Variants in GAB1 observed in about 807,000 individuals in gnomAD.
GAB1 encodes the protein GRB2 associated binding protein 1, also known as GRB2-associated-binding protein 1.
In GAB1, 19 loss-of-function variants were observed where a neutral mutation model predicts 66.5. The ratio of observed to expected loss-of-function variants is 0.29; its 90% CI spans 0.20 to 0.42. The LOEUF is 0.42. Ranked by LOEUF, GAB1 falls within the 10% of genes least tolerant of loss-of-function variation. The pLI, the probability that GAB1 is intolerant of heterozygous loss-of-function variation, is 1.00. For missense variants in GAB1, 732 were observed against 858.5 expected (o/e 0.85, Z 1.84); for synonymous variants, 294 against 301.4 (o/e 0.98, Z 0.25).
chr4:143,398,918 TA>T (rs1731600441), intron 1 of GAB1, among the ~76,000 whole-genome samples: 1 of 151,928 alleles, frequency 6.6e-6, no homozygotes, highest in Non-Finnish European at 1.5e-5. Context: ...AGTAAGTAAG[TA>T]AAATGGGCAG....
chr4:143,338,959 T>C (rs1272516318), intron 1 of GAB1, among the ~76,000 whole-genome samples: 1 of 151,904 alleles, frequency 6.6e-6, no homozygotes, highest in East Asian at 1.9e-4. Flanking sequence ...CAAAATACAG[T>C]AGGAAAAAGG....
intron 2 of GAB1, chr4:143,417,518 G>A (rs527458771): frequency 9.7e-5 from 32 of 328,466 alleles, no homozygotes; most frequent in African/African-American, 1.8e-4. Context: ...AGCGATTCTC[G>A]TGCCTCAGCC....
At chr4:143,418,597 A>G (rs1732829919) in intron 2 of GAB1, among the ~76,000 whole-genome samples, 1 of 152,186 alleles carries the variant, frequency 6.6e-6, no homozygotes, top group African/African-American at 2.4e-5. Context: ...TTGGGGGGAC[A>G]TAAGGGCAGA....
In GAB1 at chr4:143,438,248, T is replaced by A. The variant is rs751833891; in HGVS notation, c.843T>A (p.Asp281Glu). The change falls in exon 4 of 10, where the codon GAT (aspartate) becomes GAA (glutamate). Residue 281 changes from aspartate to glutamate, a missense_variant. Around this residue, in one of 4 missense-constraint regions of GAB1, gnomAD observed 427 missense variants for 420.6 expected, o/e 1.02. Transcript: ENST00000262994. ...PKVSPSSTEA[D>E]GELYVFNTPS... ...TGTCTCCATCAAGTACTGAAGCAGA[T>A]GGAGAACTCTATGTTTTTAATACCC... The A allele has an allele frequency of 1.9e-6, 3 of 1,614,154 alleles. No homozygotes were observed. The Admixed American group carries it at 5.0e-5, about 27-fold the overall frequency.
chr4:143,415,669 A>C lies in GAB1; in HGVS notation c.265A>C (p.Thr89Pro), dbSNP rs1183259902. The change falls in exon 2 of 10, where the codon ACT (threonine) becomes CCT (proline). Residue 89 changes from threonine to proline, a missense_variant. Thr to Pro is a conservative substitution (Grantham distance 38, BLOSUM62 -1). This residue lies in a region of GAB1 where 66 missense variants were observed against 130.3 expected (regional missense o/e 0.51). Coordinates refer to ENST00000262994, the MANE Select transcript of GAB1 (RefSeq NM_002039.4). ...AAACAGCTACATTTTTGATATCAAC[A>C]CTATTGACCGGATTTTCTACTTGGT... is the stretch of plus-strand genomic sequence containing the variant. ...FENSYIFDINTIDRIFYLVAD... is the reference protein window; with the variant it reads ...FENSYIFDINPIDRIFYLVAD... The C allele has an allele frequency of 6.2e-7, 1 of 1,613,920 alleles. No homozygotes were observed.
intron 1 of GAB1, among the ~76,000 whole-genome samples, chr4:143,372,759 T>C (rs1396186860): frequency 6.6e-6 from 1 of 152,198 alleles, no homozygotes; most frequent in Non-Finnish European, 1.5e-5. Flanking sequence ...ATCCCCATGA[T>C]AGCCTTGTAA....
At chr4:143,448,953 T>A (rs1342977879) in intron 6 of GAB1, among the ~76,000 whole-genome samples, 3 of 152,294 alleles carry the variant, frequency 2.0e-5, no homozygotes, top group East Asian at 1.9e-4. Flanking sequence ...CTCTACACAC[T>A]GCTTTGAATG....
At chr4:143,413,269 G>C (rs766938839) in intron 1 of GAB1, among the ~76,000 whole-genome samples, 14 of 152,080 alleles carry the variant, frequency 9.2e-5, no homozygotes, top group Non-Finnish European at 2.1e-4. Flanking sequence ...TATCCATAGA[G>C]GGATAATTTT....
At chr4:143,370,956 C>T (rs1359008699) in intron 1 of GAB1, among the ~76,000 whole-genome samples, 1 of 152,170 alleles carries the variant, frequency 6.6e-6, no homozygotes, top group African/African-American at 2.4e-5. Context: ...CATTGATGGA[C>T]ATTTGGGTTG....
At chr4:143,448,828 C>A (rs1174926048) in intron 6 of GAB1, among the ~76,000 whole-genome samples, 2 of 149,560 alleles carry the variant, frequency 1.3e-5, no homozygotes, top group Non-Finnish European at 1.5e-5. Flanking sequence ...TTGCCTTCTG[C>A]TAGCTTTTGA....
chr4:143,447,892 T>G (rs1208441606), intron 6 of GAB1, among the ~76,000 whole-genome samples: 2 of 152,212 alleles, frequency 1.3e-5, no homozygotes, highest in Non-Finnish European at 2.9e-5. Flanking sequence ...GCTTCCAATT[T>G]TTGCCCATTC....
At chr4:143,400,968 C>CAAA (rs774015122) in intron 1 of GAB1, among the ~76,000 whole-genome samples, 1 of 91,254 alleles carries the variant, frequency 1.1e-5, no homozygotes, top group African/African-American at 4.2e-5. Flanking sequence ...GACTCCATCA[C>CAAA]AAAAAAAAAA....
intron 1 of GAB1, among the ~76,000 whole-genome samples, chr4:143,382,987 C>T (rs1390908121): frequency 2.6e-5 from 4 of 152,146 alleles, no homozygotes; most frequent in Non-Finnish European, 5.9e-5. Flanking sequence ...TTGTGACATG[C>T]ATGCACTTCT....
chr4:143,430,259 AAC>A (rs1425188067), intron 2 of GAB1, among the ~76,000 whole-genome samples: 71 of 152,238 alleles, frequency 4.7e-4, no homozygotes, highest in Non-Finnish European at 2.9e-5. Context: ...TACAGTCAGA[AAC>A]ACAATTGAAA....
Position 143,458,096 on chromosome 4 carries a change from ATATGTGTTCTGTTC to A in GAB1, c.1586-1287_1586-1274del, listed in dbSNP as rs1560785195. Among the ~76,000 whole-genome samples the A allele has an allele frequency of 3.3e-5, 5 of 152,184 alleles. No homozygotes were observed. The East Asian group carries it at 9.6e-4, about 29-fold the overall frequency. On this transcript the variant is annotated intron_variant, in intron 6 of 9. Coordinates refer to ENST00000262994, the MANE Select transcript of GAB1 (RefSeq NM_002039.4). ...TTTCTGTTGTCTTCTGTCTTTATGT[ATATGTGTTCTGTTC>A]TGAGACAGAATAAAGAATCATTTCC...
Position 143,360,390 on chromosome 4 carries a change from AACT to A in GAB1, c.72+23132_72+23134del, listed in dbSNP as rs1419675020. ...TTTCCATTCTAAGTTTTGTTTTTTG[AACT>A]AAAGGTTAAAAAACCTGCATTCATG... On this transcript the variant is annotated intron_variant, in intron 1 of 9. Coordinates refer to ENST00000262994, the MANE Select transcript of GAB1 (RefSeq NM_002039.4). 2.3e-3 allele frequency among the ~76,000 whole-genome samples: 355 copies of A among 152,222 alleles called. 2 individuals carry two copies. The highest frequency in any genetic ancestry group is 8.1e-3 in the African/African-American group (338 of 41,538).
At chr4:143,358,958 G>A (rs970570515) in intron 1 of GAB1, among the ~76,000 whole-genome samples, 1 of 152,186 alleles carries the variant, frequency 6.6e-6, no homozygotes, top group East Asian at 1.9e-4. Flanking sequence ...TTCTATCCCG[G>A]TTCCAACTTG....
chr4:143,410,903 T>A (rs1330201102), intron 1 of GAB1, among the ~76,000 whole-genome samples: 2 of 152,176 alleles, frequency 1.3e-5, no homozygotes, highest in Non-Finnish European at 1.5e-5. Flanking sequence ...AAGGTTAAAA[T>A]GGCTCCAGCC....
chr4:143,351,450 C>A (rs1421935542), intron 1 of GAB1, among the ~76,000 whole-genome samples: 1 of 152,130 alleles, frequency 6.6e-6, no homozygotes, highest in Non-Finnish European at 1.5e-5. Context: ...CTCCCGCCAA[C>A]GAGTTCGTCA....
Sources: allele counts gnomAD v4.1 joint callset (sites outside exome capture counted in the v4.1 genomes callset), GRCh38; gene constraint gnomAD v4.1.1; regional missense constraint gnomAD v4.1.1; transcripts MANE v1.5; gene names NCBI Gene and HGNC (gene_info 2026-07-23, HGNC 2026-07-21).